Variants in KIF3C observed in about 807,000 individuals in gnomAD.
The protein encoded by KIF3C is kinesin family member 3C.
A neutral mutation model predicts 67.7 loss-of-function variants in KIF3C; 12 were observed. The observed-to-expected ratio is 0.18, with a 90% CI of 0.11 to 0.29. The LOEUF (loss-of-function observed/expected upper bound fraction) is 0.29, where lower values mean the gene tolerates loss of function less well. Among genes scored for constraint, KIF3C ranks in the 10% least tolerant of loss-of-function variants. The pLI, the probability that KIF3C is intolerant of heterozygous loss-of-function variation, is 1.00. For synonymous variants in KIF3C, 393 were observed against 426.2 expected, an observed-to-expected ratio of 0.92 and a Z score of 0.96; for missense variants, 789 against 1,059.6, an observed-to-expected ratio of 0.74 and a Z score of 3.55.
intron 5 of KIF3C, among the ~76,000 whole-genome samples, chr2:25,950,515 C>A (rs1004712586): frequency 2.3e-4 from 35 of 152,086 alleles, no homozygotes; most frequent in African/African-American, 8.5e-4. Context: ...AGCCACCACG[C>A]CCAGCTAGAA....
At chr2:25,970,667 CAAAAAA>C (rs397984116) in intron 1 of KIF3C, among the ~76,000 whole-genome samples, 1 of 54,802 alleles carries the variant, frequency 1.8e-5, no homozygotes, top group African/African-American at 8.0e-5. Flanking sequence ...AACTTTGTCT[CAAAAAA>C]AAAAAAAAAA....
chr2:25,938,006 A>G (rs1489223761), intron 5 of KIF3C, among the ~76,000 whole-genome samples: 1 of 152,008 alleles, frequency 6.6e-6, no homozygotes, highest in African/African-American at 2.4e-5. Flanking sequence ...GTGAACCGAG[A>G]TCATGCCACT....
intron 1 of KIF3C, among the ~76,000 whole-genome samples, chr2:25,971,519 G>A (rs1664284517): frequency 1.3e-5 from 2 of 152,072 alleles, no homozygotes; most frequent in African/African-American, 4.8e-5. Flanking sequence ...TGGGAAGAAA[G>A]TGAGACAACT....
intron 1 of KIF3C, among the ~76,000 whole-genome samples, chr2:25,959,070 G>A (rs13030184): frequency 0.12 from 17,949 of 151,962 alleles, 1,340 homozygotes; most frequent in African/African-American, 0.2. Context: ...GCAAAACTCC[G>A]TCTCAAAAAA....
chr2:25,954,203 G>A, intron 4 of KIF3C, 64 bp downstream of exon 4: 1 of 1,154,460 alleles, frequency 8.7e-7, no homozygotes, highest in Non-Finnish European at 1.3e-6. Context: ...CCTTAGGGGA[G>A]GAGAGGCCTG....
chr2:25,970,512 A>G (rs970653024), intron 1 of KIF3C, among the ~76,000 whole-genome samples: 1 of 151,850 alleles, frequency 6.6e-6, no homozygotes, highest in Non-Finnish European at 1.5e-5. Flanking sequence ...TACTAAAAAT[A>G]CAAAAATTAG....
intron 5 of KIF3C, among the ~76,000 whole-genome samples, chr2:25,937,534 C>T (rs1663166505): frequency 6.6e-6 from 1 of 152,150 alleles, no homozygotes; most frequent in South Asian, 2.1e-4. Context: ...GCAGACGCTG[C>T]TGGAAATGCA....
Position 25,951,878 on chromosome 2 carries a change from C to T in KIF3C, c.1917G>A (p.Pro639=), listed in dbSNP as rs758168371. 20 of 1,613,726 alleles carry T rather than the reference C, an allele frequency of 1.2e-5. No homozygotes were observed. The highest frequency in any genetic ancestry group is 1.7e-5 in the Admixed American group (1 of 60,008). The change falls in exon 5 of 8, where the codon CCG becomes CCA. Residue 639 remains proline (P), a synonymous_variant. Transcript: ENST00000264712. ...LKYLIIENFI[P]PEEKNKIMNR... is the part of the protein sequence containing the mutation. ...TCATGATCTTGTTCTTCTCCTCCGG[C>T]GGGATGAAGTTCTCGATGATTAGGT...
At chr2:25,931,028 C>A (rs115381102) in intron 5 of KIF3C, among the ~76,000 whole-genome samples, 4,140 of 152,204 alleles carry the variant, frequency 0.027, 155 homozygotes, top group African/African-American at 0.079. Flanking sequence ...TTATACATCT[C>A]ATGTACCCCA....
At position 25,980,922 on chromosome 2, in the gene KIF3C, C is replaced by G. The variant is rs774446863; in HGVS notation, c.996G>C (p.Gly332=). 6.2e-7 allele frequency: 1 copy of G among 1,613,942 alleles called. No individual in the cohort carries two copies. The highest frequency in any genetic ancestry group is 8.5e-7 in the Non-Finnish European group (1 of 1,179,894). ...TGGCTACCATGATGGTCTTGGCATT[C>G]CCCCCCAGGGAGTCCTGGAGCAGCC... ...LTRLLQDSLG[G]NAKTIMVATL... The change falls in exon 1 of 8, where the codon GGG becomes GGC. Residue 332 remains glycine, a synonymous_variant. Transcript: ENST00000264712. This position sits in a 1 kb window ranked among gnomAD's most constrained non-coding sequence, Gnocchi z 7.6.
chr2:25,956,423 T>C lies in KIF3C; in HGVS notation c.1567A>G (p.Ile523Val), dbSNP rs769603680. The change falls in exon 2 of 8, where the codon ATC becomes GTC. Residue 523 changes from isoleucine to valine, a missense_variant. Physicochemically the swap from Ile to Val is conservative, Grantham distance 29 (BLOSUM62 3). Transcript: ENST00000264712. ...TGATCCATGATGTTCCTGCCCCCGA[T>C]GAGGAGCTTGCTCTCCATGGCCTGG... ...KYKAMESKLLIGGRNIMDHTN... is the reference protein window; with the variant it reads ...KYKAMESKLLVGGRNIMDHTN... 1 of 1,613,952 alleles carries C rather than the reference T, an allele frequency of 6.2e-7. No individual in the cohort carries two copies. Among genetic ancestry groups the C allele is most frequent in the Non-Finnish European group, 8.5e-7 (1 of 1,180,002 alleles).
intron 1 of KIF3C, among the ~76,000 whole-genome samples, chr2:25,977,399 C>T (rs554502285): frequency 1.3e-5 from 2 of 152,068 alleles, no homozygotes; most frequent in Non-Finnish European, 2.9e-5. Flanking sequence ...AGGGAAGAAG[C>T]GGAGTTGATG....
intron 1 of KIF3C, among the ~76,000 whole-genome samples, chr2:25,972,495 G>T (rs1343155386): frequency 6.6e-6 from 1 of 152,196 alleles, no homozygotes; most frequent in Admixed American, 6.6e-5. Context: ...AGAGGTCATG[G>T]ACTGTGACCT....
At chr2:25,952,161 G>A (rs1373152566) in intron 4 of KIF3C, among the ~76,000 whole-genome samples, 3 of 152,050 alleles carry the variant, frequency 2.0e-5, no homozygotes, top group African/African-American at 4.8e-5. Context: ...TTAGCTGGGC[G>A]TGGTGGTGGG....
chr2:25,930,857 TG>T (rs2090453551), intron 5 of KIF3C, among the ~76,000 whole-genome samples: 2 of 152,018 alleles, frequency 1.3e-5, no homozygotes, highest in African/African-American at 4.8e-5. Context: ...GGCTAATTTT[TG>T]TATTTTTAGT....
chr2:25,964,442 T>C (rs1313774975), intron 1 of KIF3C, among the ~76,000 whole-genome samples: 1 of 152,178 alleles, frequency 6.6e-6, no homozygotes, highest in Non-Finnish European at 1.5e-5. Context: ...ATACTCTATA[T>C]TGTGTTTTTA....
chr2:25,975,311 C>T (rs1215436143), intron 1 of KIF3C, among the ~76,000 whole-genome samples: 1 of 152,130 alleles, frequency 6.6e-6, no homozygotes, highest in Non-Finnish European at 1.5e-5. Flanking sequence ...CAGGTACACA[C>T]CACCATGCCT....
chr2:25,981,698 A>G lies in KIF3C; in HGVS notation c.220T>C (p.Tyr74His). 1 of 1,613,908 alleles carries G rather than the reference A, an allele frequency of 6.2e-7. No individual in the cohort carries two copies. Among genetic ancestry groups the G allele is most frequent in the Non-Finnish European group, 8.5e-7 (1 of 1,179,910 alleles). Reference sequence around the variant, plus strand: ...ATCAGGGGCCTCACGGTTTCGTCATACAGGTCGGCCTGCTTGGAGCTGGCA... The same window carrying G: ...ATCAGGGGCCTCACGGTTTCGTCATGCAGGTCGGCCTGCTTGGAGCTGGCA... ...YDASSKQADL[Y>H]DETVRPLIDS... Residue 74 changes from tyrosine (Y) to histidine (H), a missense_variant, in exon 1 of 8, where the codon TAT becomes CAT. This residue lies in a region of KIF3C where 141 missense variants were observed against 251.8 expected (regional missense o/e 0.56). Coordinates refer to ENST00000264712, the MANE Select transcript of KIF3C (RefSeq NM_002254.8). This position sits in a 1 kb window ranked among gnomAD's most constrained non-coding sequence, Gnocchi z 8.2.
intron 1 of KIF3C, among the ~76,000 whole-genome samples, chr2:25,975,739 A>C (rs1233546852): frequency 6.6e-6 from 1 of 152,072 alleles, no homozygotes; most frequent in Non-Finnish European, 1.5e-5. Context: ...CGGGTGGATC[A>C]TGAGGTCAGG....
Sources: allele counts gnomAD v4.1 joint callset (sites outside exome capture counted in the v4.1 genomes callset), GRCh38; gene constraint gnomAD v4.1.1; regional missense constraint gnomAD v4.1.1; non-coding constraint Gnocchi (gnomAD v3.1); transcripts MANE v1.5; gene names NCBI Gene and HGNC (gene_info 2026-07-23, HGNC 2026-07-21).